The following LRRTM4 variants were observed in gnomAD, a reference collection of about 807,000 sequenced individuals.
The protein encoded by LRRTM4 is leucine-rich repeat transmembrane neuronal protein 4.
Under a neutral mutation model 47.6 loss-of-function variants are expected in LRRTM4, and 25 were observed. The ratio of observed to expected loss-of-function variants is 0.53; its 90% CI spans 0.38 to 0.73. The LOEUF (loss-of-function observed/expected upper bound fraction) is 0.73, where lower values mean the gene tolerates loss of function less well. Among genes scored for constraint, LRRTM4 ranks in the 30% least tolerant of loss-of-function variants. The pLI is 0.00. For synonymous variants in LRRTM4, 311 were observed against 269.5 expected, an observed-to-expected ratio of 1.15 and a Z score of -1.51; for missense variants, 638 against 713.4, an observed-to-expected ratio of 0.89 and a Z score of 1.20.
chr2:77,128,133 A>G (rs1671698147), intron 3 of LRRTM4, among the ~76,000 whole-genome samples: 1 of 126,298 alleles, frequency 7.9e-6, no homozygotes, highest in Admixed American at 8.3e-5. Context: ...ACAGAGCGAG[A>G]CTCTGTCTCA....
intron 3 of LRRTM4, among the ~76,000 whole-genome samples, chr2:77,325,509 A>G (rs541690437): frequency 6.6e-6 from 1 of 152,282 alleles, no homozygotes; most frequent in African/African-American, 2.4e-5. Context: ...TAAAAAGTAA[A>G]GGCAGCGTGG....
intron 3 of LRRTM4, among the ~76,000 whole-genome samples, chr2:76,887,802 G>A (rs1438266658): frequency 1.3e-5 from 2 of 150,598 alleles, no homozygotes; most frequent in Non-Finnish European, 3.0e-5. Context: ...TTTTCTACTA[G>A]CCAATGGAAT....
chr2:77,398,352 T>A (rs144416973), intron 3 of LRRTM4, among the ~76,000 whole-genome samples: 12 of 151,900 alleles, frequency 7.9e-5, no homozygotes, highest in Non-Finnish European at 1.5e-4. Context: ...ATATTTTGAA[T>A]TTTAGAGAAG....
At position 76,751,594 on chromosome 2, in the gene LRRTM4, C is replaced by T. The variant is rs532154989; in HGVS notation, c.1552-2678G>A. On this transcript the variant is annotated intron_variant, in intron 3 of 3. Transcript: ENST00000409884. ...AAGTTAGCTCTAATCTCCCTCACCC[C>T]AAGTCTATTGTTTTGTTTTGTTTTT... Among the ~76,000 whole-genome samples, 12 of 152,038 alleles carry T rather than the reference C, an allele frequency of 7.9e-5. No homozygotes were observed. In the South Asian group the frequency reaches 1.2e-3, roughly 16 times the overall value.
At chr2:77,061,430 A>T (rs1056148943) in intron 3 of LRRTM4, among the ~76,000 whole-genome samples, 1 of 152,068 alleles carries the variant, frequency 6.6e-6, no homozygotes, top group Admixed American at 6.6e-5. Context: ...AGTTGCTGAG[A>T]GTCAACACAT....
rs1241076195 is a variant in LRRTM4 at position 76,799,609 on chromosome 2, A to T, written c.1552-50693T>A. Among the ~76,000 whole-genome samples, 19 of 139,948 alleles carry T rather than the reference A, an allele frequency of 1.4e-4. 1 individual carries two copies. In the East Asian group the frequency reaches 3.6e-3, roughly 27 times the overall value. 91.8% of individuals were successfully genotyped at this position (139,948 alleles called of 152,430 possible). A position where few individuals can be genotyped will look rare whatever the true frequency, so the allele number is the denominator to read the frequency against. On this transcript the variant is annotated intron_variant, in intron 3 of 3. Coordinates refer to ENST00000409884, the MANE Select transcript of LRRTM4 (RefSeq NM_001134745.3). ...GTTGGAAGTTCTGGCCAGGGTAATT[A>T]GGCAGGAGAAGGAAATAAAGGGTAT... is the stretch of plus-strand genomic sequence containing the variant.
chr2:77,133,339 C>CT (rs1267158497), intron 3 of LRRTM4, among the ~76,000 whole-genome samples: 5 of 152,052 alleles, frequency 3.3e-5, no homozygotes, highest in South Asian at 2.1e-4. Flanking sequence ...TTTATTCACT[C>CT]TTTTTTTTCC....
chr2:77,424,247 T>C (rs1675019302), intron 3 of LRRTM4, among the ~76,000 whole-genome samples: 1 of 152,186 alleles, frequency 6.6e-6, no homozygotes, highest in Admixed American at 6.5e-5. Flanking sequence ...TTTTAGTTTA[T>C]TGTTATTTTC....
rs536682477 is a variant in LRRTM4 at position 77,033,427 on chromosome 2, G to A, written c.1552-284511C>T. ...TAAATATGTAAGCAATAAATGCATA[G>A]TTTTTTTTACTCTTAATATATTAAT... On this transcript the variant is annotated intron_variant, in intron 3 of 3. Coordinates refer to ENST00000409884, the MANE Select transcript of LRRTM4 (RefSeq NM_001134745.3). 1.5e-4 allele frequency among the ~76,000 whole-genome samples: 22 copies of A among 143,192 alleles called. No individual in the cohort carries two copies. In the East Asian group the frequency reaches 4.0e-3, roughly 26 times the overall value. The allele number at this position is 143,192 out of a possible 152,430, so 93.9% of individuals were successfully genotyped here.
At chr2:76,800,996 T>G (rs997119387) in intron 3 of LRRTM4, among the ~76,000 whole-genome samples, 6 of 147,112 alleles carry the variant, frequency 4.1e-5, no homozygotes, top group African/African-American at 1.3e-4. Context: ...TGGCAATCAT[T>G]AAAAAGGCAG....
intron 3 of LRRTM4, among the ~76,000 whole-genome samples, chr2:76,954,686 A>G (rs2103895838): frequency 6.6e-6 from 1 of 151,914 alleles, no homozygotes; most frequent in African/African-American, 2.4e-5. Context: ...AGATTTGAAA[A>G]ACCCAGTGAA....
At chr2:77,122,539 T>TAC (rs918070662) in intron 3 of LRRTM4, among the ~76,000 whole-genome samples, 1 of 150,504 alleles carries the variant, frequency 6.6e-6, no homozygotes, top group Non-Finnish European at 1.5e-5. Flanking sequence ...ACAATAGATA[T>TAC]ACACACACAC....
chr2:77,493,717 T>C (rs547277296), intron 3 of LRRTM4, among the ~76,000 whole-genome samples: 3 of 152,254 alleles, frequency 2.0e-5, no homozygotes, highest in East Asian at 3.9e-4. Context: ...CAAAGAATTG[T>C]AAGGATGACA....
intron 3 of LRRTM4, among the ~76,000 whole-genome samples, chr2:77,292,497 C>T (rs190771068): frequency 1.3e-5 from 2 of 152,012 alleles, no homozygotes; most frequent in Non-Finnish European, 2.9e-5. Context: ...CACATCTACA[C>T]CATGGAATAC....
intron 3 of LRRTM4, among the ~76,000 whole-genome samples, chr2:77,007,642 G>A (rs1336660104): frequency 6.6e-6 from 1 of 152,058 alleles, no homozygotes; most frequent in African/African-American, 2.4e-5. Flanking sequence ...ACATATTATC[G>A]AATAATTTTG....
In LRRTM4 at chr2:77,158,497, GT is replaced by G. The variant is rs1558610180; in HGVS notation, c.1551+359820del. The stretch of plus-strand genomic sequence containing the variant: ...TGTATCAAACAGTGACAGCACTTGT[GT>G]TTTGTTATGTATTTCATGGGCACTG... On this transcript the variant is annotated intron_variant, in intron 3 of 3. Coordinates refer to ENST00000409884, the MANE Select transcript of LRRTM4 (RefSeq NM_001134745.3). Among the ~76,000 whole-genome samples, 7 of 152,046 alleles carry G rather than the reference GT, an allele frequency of 4.6e-5. No individual in the cohort carries two copies. The South Asian group carries it at 1.2e-3, about 27-fold the overall frequency.
At chr2:77,122,463 CAT>C (rs201287949) in intron 3 of LRRTM4, among the ~76,000 whole-genome samples, 1 of 149,544 alleles carries the variant, frequency 6.7e-6, no homozygotes, top group Non-Finnish European at 1.5e-5. Flanking sequence ...CATATATAAT[CAT>C]ATATATACAC....
chr2:77,451,102 T>A (rs900553579), intron 3 of LRRTM4, among the ~76,000 whole-genome samples: 1 of 152,148 alleles, frequency 6.6e-6, no homozygotes, highest in Non-Finnish European at 1.5e-5. Context: ...ATTATTCAAT[T>A]CCAGTCAGGC....
intron 3 of LRRTM4, among the ~76,000 whole-genome samples, chr2:77,100,864 T>G (rs2103910259): frequency 6.6e-6 from 1 of 150,766 alleles, no homozygotes; most frequent in Admixed American, 6.6e-5. Context: ...TTTTTTTTTT[T>G]TGTGACAGAG....
Sources: allele counts gnomAD v4.1 joint callset (sites outside exome capture counted in the v4.1 genomes callset), GRCh38; gene constraint gnomAD v4.1.1; transcripts MANE v1.5; gene names NCBI Gene and HGNC (gene_info 2026-07-23, HGNC 2026-07-21).